SUB1: variants seen among roughly 807,000 people sequenced by gnomAD.
SUB1 encodes activated RNA polymerase II transcriptional coactivator p15.
In SUB1, 1 loss-of-function variant was observed where a neutral mutation model predicts 16.9. The observed-to-expected ratio is 0.06, with a 90% CI of 0.02 to 0.28. The LOEUF (loss-of-function observed/expected upper bound fraction) is 0.28. Among genes scored for constraint, SUB1 ranks in the 10% least tolerant of loss-of-function variants. SUB1 has a pLI of 1.00. For missense variants in SUB1, 84 were observed against 145.2 expected (o/e 0.58, Z 2.16); for synonymous variants, 51 against 46.9 (o/e 1.09, Z -0.36).
At position 32,586,899 on chromosome 5, in the gene SUB1, G is replaced by A. The variant is rs543775944; in HGVS notation, c.-2+1274G>A. Reference sequence around the variant, plus strand: ...TTTTGAATTTAATGGCTAGGATTGGGGTGGCCCACTTCTTTTTCCTTGACC... The same window carrying A: ...TTTTGAATTTAATGGCTAGGATTGGAGTGGCCCACTTCTTTTTCCTTGACC... On this transcript the variant is annotated intron_variant, in intron 1 of 4. Transcript: ENST00000265073. 5.3e-5 allele frequency among the ~76,000 whole-genome samples: 8 copies of A among 152,256 alleles called. No homozygotes were observed. The South Asian group carries it at 1.7e-3, about 32-fold the overall frequency.
rs575015551 is a variant in SUB1, at chr5:32,602,075, G to A, written c.*991G>A. ...AGTTTGTAGGGAAAAGAGCATATGA[G>A]CACATGCTTGTGTATTTTGGCCTTT... On this transcript the variant is annotated 3_prime_UTR_variant, in exon 5 of 5. Transcript: ENST00000265073. 22 of 330,070 alleles carry A rather than the reference G, an allele frequency of 6.7e-5. No individual in the cohort carries two copies. The highest frequency in any genetic ancestry group is 1.1e-4 in the Non-Finnish European group (18 of 166,544). 20.4% of individuals were successfully genotyped at this position (330,070 alleles called of 1,614,324 possible).
chr5:32,596,370 T>G (rs1738964400), intron 3 of SUB1: 1 of 152,204 alleles, frequency 6.6e-6, no homozygotes, highest in Non-Finnish European at 1.5e-5. Context: ...TTCTGAAGCA[T>G]CTTTTTAAAA....
At chr5:32,599,446 T>C (rs1739062257) in intron 4 of SUB1, among the ~76,000 whole-genome samples, 1 of 152,228 alleles carries the variant, frequency 6.6e-6, no homozygotes, top group African/African-American at 2.4e-5. Context: ...CTAAAAGCTA[T>C]TCTTTAGGGC....
chr5:32,587,229 G>A (rs1430383416), intron 1 of SUB1, among the ~76,000 whole-genome samples: 2 of 152,172 alleles, frequency 1.3e-5, no homozygotes, highest in African/African-American at 2.4e-5. Flanking sequence ...GGGTTAATAG[G>A]ACCTAATCTC....
At chr5:32,594,658 C>T (rs1344110471) in intron 3 of SUB1, 1 of 447,992 alleles carries the variant, frequency 2.2e-6, no homozygotes, top group Admixed American at 2.4e-5. Flanking sequence ...AGCTCTGCCT[C>T]CTGTCAGATC....
chr5:32,587,593 A>T (rs558728753), intron 1 of SUB1, among the ~76,000 whole-genome samples: 3 of 151,920 alleles, frequency 2.0e-5, no homozygotes, highest in African/African-American at 7.3e-5. Flanking sequence ...AATGTAATGA[A>T]TTGCTGTGAA....
intron 3 of SUB1, among the ~76,000 whole-genome samples, chr5:32,593,353 A>G (rs1220577410): frequency 6.6e-6 from 1 of 152,104 alleles, no homozygotes; most frequent in East Asian, 1.9e-4. Flanking sequence ...ACACATGTAT[A>G]TTTTGACCTG....
intron 1 of SUB1, among the ~76,000 whole-genome samples, 181 bp from the exon 2 acceptor site, chr5:32,588,331 T>C (rs192899277): frequency 1.3e-5 from 2 of 152,318 alleles, no homozygotes; most frequent in Admixed American, 1.3e-4. Flanking sequence ...ACCCTGCGTG[T>C]TATTTGCAAC....
chr5:32,592,152 T>C (rs553517923), intron 3 of SUB1, among the ~76,000 whole-genome samples: 1 of 152,348 alleles, frequency 6.6e-6, no homozygotes, highest in African/African-American at 2.4e-5. Context: ...TAAAAGTATT[T>C]TGTACGATGC....
Position 32,602,147 on chromosome 5 carries a change from G to C in SUB1, c.*1063G>C. On this transcript the variant is annotated 3_prime_UTR_variant, in exon 5 of 5. Transcript: ENST00000265073. ...GGCATTCTAGACTTGATGATACTAA[G>C]TTTTAGCAGACACTAGTAAGTGGTT... The C allele has an allele frequency of 4.5e-6, 2 of 444,606 alleles. No individual in the cohort carries two copies. Among genetic ancestry groups the C allele is most frequent in the Non-Finnish European group, 9.0e-6 (2 of 222,908 alleles). 27.5% of individuals were successfully genotyped at this position (444,606 alleles called of 1,614,324 possible).
chr5:32,593,999 T>C (rs1360871738), intron 3 of SUB1, among the ~76,000 whole-genome samples: 3 of 152,174 alleles, frequency 2.0e-5, no homozygotes, highest in African/African-American at 7.2e-5. Flanking sequence ...GCCTAGGCCT[T>C]ATTTTCAGAG....
intron 3 of SUB1, among the ~76,000 whole-genome samples, chr5:32,592,246 G>T (rs1363505055): frequency 6.6e-6 from 1 of 152,212 alleles, no homozygotes; most frequent in Non-Finnish European, 1.5e-5. Flanking sequence ...CATTTTGAAA[G>T]CAACTTGGAG....
At chr5:32,598,718 AGTT>A (rs1739041144) in intron 3 of SUB1, 2 of 347,736 alleles carry the variant, frequency 5.8e-6, no homozygotes, top group Non-Finnish European at 1.0e-5. Context: ...TAGGCTATGC[AGTT>A]GTTCTGTGAG....
At chr5:32,594,264 T>C (rs1280072384) in intron 3 of SUB1, among the ~76,000 whole-genome samples, 1 of 152,162 alleles carries the variant, frequency 6.6e-6, no homozygotes, top group Non-Finnish European at 1.5e-5. Context: ...AGAACTTTCT[T>C]CCATAGGGAT....
chr5:32,589,118 T>A (rs1738751482), intron 2 of SUB1, among the ~76,000 whole-genome samples: 1 of 152,134 alleles, frequency 6.6e-6, no homozygotes, highest in Non-Finnish European at 1.5e-5. Context: ...AGACAGGGTC[T>A]TACTCTCTTG....
intron 3 of SUB1, chr5:32,597,060 G>A (rs1273924895): frequency 6.6e-6 from 1 of 152,134 alleles, no homozygotes; most frequent in Non-Finnish European, 1.5e-5. Flanking sequence ...TGGTGAAGCA[G>A]TGTAGCTAGT....
intron 3 of SUB1, chr5:32,597,309 G>A (rs1738992444): frequency 6.6e-6 from 1 of 152,086 alleles, no homozygotes; most frequent in African/African-American, 2.4e-5. Context: ...TCATGTAAGT[G>A]GAATCATAAA....
Position 32,591,549 on chromosome 5 carries a change from A to T in SUB1, c.73-14A>T. 6.3e-7 allele frequency: 1 copy of T among 1,584,064 alleles called. No individual in the cohort carries two copies. The highest frequency in any genetic ancestry group is 8.5e-7 in the Non-Finnish European group (1 of 1,170,168). On this transcript the variant is annotated splice_polypyrimidine_tract_variant and intron_variant, in intron 2 of 4. Transcript: ENST00000265073. Reference sequence around the variant, plus strand: ...ATTTTTATGTGTGCAAATTTTAACCATATTCTTTTCTAGTTAAAGAGGAAA... The same window carrying T: ...ATTTTTATGTGTGCAAATTTTAACCTTATTCTTTTCTAGTTAAAGAGGAAA...
rs528959879 is a variant in SUB1, at chr5:32,590,599, T to A, written c.73-964T>A. 1.2e-3 allele frequency among the ~76,000 whole-genome samples: 188 copies of A among 151,498 alleles called. 1 individual carries two copies. Among genetic ancestry groups the A allele is most frequent in the South Asian group, 0.012 (58 of 4,784 alleles). ...GCCTAATTGTAAATTCCTTTTTTTT[T>A]AATTTTTTATTTTGAGATGAAGTTT... is the stretch of plus-strand genomic sequence containing the variant. On this transcript the variant is annotated intron_variant, in intron 2 of 4. Coordinates refer to ENST00000265073, the MANE Select transcript of SUB1 (RefSeq NM_006713.4).
Sources: gnomAD v4.1 joint callset for allele counts (sites outside exome capture counted in the v4.1 genomes callset) on GRCh38, gnomAD v4.1.1 for gene constraint, MANE v1.5 for transcripts, NCBI Gene and HGNC (gene_info 2026-07-23, HGNC 2026-07-21) for gene names.